Variants in OR1S1 observed in about 807,000 individuals in gnomAD.
OR1S1 encodes olfactory receptor 1S1.
For synonymous variants in OR1S1, 156 were observed against 143.9 expected (o/e 1.08, Z -0.60); for missense variants, 411 against 367.5 (o/e 1.12, Z -0.97).
chr11:58,213,595 G>GTTT (rs1465194882), intron 1 of OR1S1, among the ~76,000 whole-genome samples: 2 of 152,144 alleles, frequency 1.3e-5, no homozygotes, highest in African/African-American at 4.8e-5. Context: ...TGTTGTTGTT[G>GTTT]TTTTAGTCAT....
chr11:58,215,739 A>T (rs770386188), exon 2 of OR1S1: 1 of 1,602,334 alleles, frequency 6.2e-7, no homozygotes, highest in East Asian at 2.2e-5. Flanking sequence ...GGACCTCTAC[A>T]TTCTTTTAGT....
At chr11:58,215,473 C>G (rs752878670) in exon 2 of OR1S1, 1 of 1,614,014 alleles carries the variant, frequency 6.2e-7, no homozygotes, top group African/African-American at 1.3e-5. Flanking sequence ...GAGTATCTTC[C>G]ACACAGGGAA....
At chr11:58,215,527 A>T in exon 2 of OR1S1, 1 of 1,614,052 alleles carries the variant, frequency 6.2e-7, no homozygotes, top group South Asian at 1.1e-5. Context: ...TGACAGTTGT[A>T]TTACTGTTCT....
intron 1 of OR1S1, 73 bp downstream of exon 1, chr11:58,212,910 C>G (rs1226527138): frequency 6.6e-6 from 1 of 152,224 alleles, no homozygotes; most frequent in Non-Finnish European, 1.5e-5. Flanking sequence ...CCTCTCTAGT[C>G]AAGCCCAAAC....
chr11:58,215,286 T>C (rs1234927869), exon 2 of OR1S1: 1 of 1,613,584 alleles, frequency 6.2e-7, no homozygotes, highest in South Asian at 1.1e-5. Context: ...CAATTGCTCT[T>C]CTGTAACCAC....
chr11:58,215,419 A>G (rs1354791198), exon 2 of OR1S1: 2 of 1,613,650 alleles, frequency 1.2e-6, no homozygotes, highest in Admixed American at 1.7e-5. Flanking sequence ...TCCCCTTTAC[A>G]CTCAGCTTCT....
chr11:58,214,774 C>A, exon 2 of OR1S1: 1 of 1,613,588 alleles, frequency 6.2e-7, no homozygotes, highest in Non-Finnish European at 8.5e-7. Context: ...TTCTTCAGAT[C>A]GGCAGAAATA....
exon 2 of OR1S1, chr11:58,216,025 C>A: frequency 6.4e-6 from 2 of 312,552 alleles, no homozygotes; most frequent in Non-Finnish European, 1.2e-5. Flanking sequence ...TACAACAATA[C>A]AGTTAGATAG....
At chr11:58,213,436 C>T (rs1260803247) in intron 1 of OR1S1, among the ~76,000 whole-genome samples, 1 of 152,088 alleles carries the variant, frequency 6.6e-6, no homozygotes, top group African/African-American at 2.4e-5. Flanking sequence ...CAATTTTAAA[C>T]TTCAGCTTCA....
rs1214550972 is a variant in OR1S1, at chr11:58,214,884, T to C, written c.101T>C (p.Met34Thr). 6.2e-6 allele frequency: 10 copies of C among 1,614,140 alleles called. No individual in the cohort carries two copies. Among genetic ancestry groups the C allele is most frequent in the Non-Finnish European group, 8.5e-6 (10 of 1,179,986 alleles). ...CTCCTCTTTGTGCTTTTCTTGGGTATGTACCTGGTCACTGTGATTGGGAAC... is the reference window on the plus strand; with the variant it reads ...CTCCTCTTTGTGCTTTTCTTGGGTACGTACCTGGTCACTGTGATTGGGAAC... Residue 34 changes from methionine to threonine, a missense_variant, in exon 2 of 2, where the codon ATG becomes ACG. Coordinates refer to ENST00000641544, the Ensembl canonical transcript of OR1S1.
In OR1S1 at chr11:58,215,216, A is replaced by G. The variant is rs1852918428; in HGVS notation, c.433A>G (p.Thr145Ala). 6.2e-7 allele frequency: 1 copy of G among 1,614,102 alleles called. No homozygotes were observed. The highest frequency in any genetic ancestry group is 2.2e-5 in the East Asian group (1 of 44,878). Reference sequence around the variant, plus strand: ...GCGGCCCAGGTTCGGCATTTTGCTCACAGTCATCTCATGGTTCCTCAGTAA... The same window carrying G: ...GCGGCCCAGGTTCGGCATTTTGCTCGCAGTCATCTCATGGTTCCTCAGTAA... Residue 145 changes from threonine to alanine, a missense_variant, in exon 2 of 2, where the codon ACA (threonine) becomes GCA (alanine). Coordinates refer to ENST00000641544, the Ensembl canonical transcript of OR1S1.
At chr11:58,215,886 T>C in exon 2 of OR1S1, 1 of 834,730 alleles carries the variant, frequency 1.2e-6, no homozygotes. Flanking sequence ...GCTCTTGTCT[T>C]GGAAACAAAA....
At chr11:58,214,232 A>G (rs1852881803) in intron 1 of OR1S1, among the ~76,000 whole-genome samples, 1 of 152,160 alleles carries the variant, frequency 6.6e-6, no homozygotes, top group Non-Finnish European at 1.5e-5. Context: ...ATTCTCCAAA[A>G]GCACTTGTTT....
At chr11:58,213,841 A>G (rs757481793) in intron 1 of OR1S1, among the ~76,000 whole-genome samples, 4 of 151,982 alleles carry the variant, frequency 2.6e-5, no homozygotes, top group Non-Finnish European at 4.4e-5. Flanking sequence ...TCTCTTTAAG[A>G]TCTCTCTTTC....
At chr11:58,213,688 G>A (rs1223237574) in intron 1 of OR1S1, among the ~76,000 whole-genome samples, 1 of 152,202 alleles carries the variant, frequency 6.6e-6, no homozygotes, top group African/African-American at 2.4e-5. Flanking sequence ...GTTCATATCT[G>A]TTGCCATAGA....
chr11:58,215,305 C>T, exon 2 of OR1S1: 1 of 1,613,506 alleles, frequency 6.2e-7, no homozygotes, highest in Non-Finnish European at 8.5e-7. Flanking sequence ...ACAACACTCT[C>T]CCACACTTCT....
exon 2 of OR1S1, chr11:58,215,511 C>T (rs775444680): frequency 6.2e-7 from 1 of 1,614,162 alleles, no homozygotes; most frequent in Non-Finnish European, 8.5e-7. Flanking sequence ...ACTTGTGGCT[C>T]TCACCTGACA....
rs769014860 is a variant in OR1S1 at position 58,215,668 on chromosome 11, G to A, written c.885G>A (p.Lys295=). ...CCTTCATCTACAGCTTGAGGAATAA[G>A]GATATGAAAGGTGCCCTGAGAAAGC... Residue 295 remains lysine, a synonymous_variant, in exon 2 of 2, where the codon AAG becomes AAA. Coordinates refer to ENST00000641544, the Ensembl canonical transcript of OR1S1. The A allele has an allele frequency of 1.9e-5, 30 of 1,613,828 alleles. No homozygotes were observed. In the Admixed American group the frequency reaches 4.7e-4, roughly 25 times the overall value.
exon 2 of OR1S1, chr11:58,215,069 A>G: frequency 6.2e-7 from 1 of 1,614,084 alleles, no homozygotes; most frequent in Non-Finnish European, 8.5e-7. Context: ...CTCTTATGAG[A>G]GCTGCATCAC....
Sources: gnomAD v4.1 joint callset for allele counts (sites outside exome capture counted in the v4.1 genomes callset) on GRCh38, gnomAD v4.1.1 for gene constraint, MANE v1.5 for transcripts, NCBI Gene and HGNC (gene_info 2026-07-23, HGNC 2026-07-21) for gene names.